SUMF1: variants seen among roughly 807,000 people sequenced by gnomAD.
SUMF1 encodes the protein sulfatase modifying factor 1, also known as formylglycine-generating enzyme.
In SUMF1, 48 loss-of-function variants were observed where a neutral mutation model predicts 47.6. The observed-to-expected ratio is 1.01, with a 90% confidence interval of 0.80 to 1.28. SUMF1 has a LOEUF of 1.28. Ranked by LOEUF, SUMF1 falls within the 50% of genes most tolerant of loss-of-function variation. The pLI is 0.00. For missense variants in SUMF1, 571 were observed against 485.4 expected (o/e 1.18, Z -1.66); for synonymous variants, 230 against 192.1 (o/e 1.20, Z -1.63).
At chr3:4,279,244 A>G (rs1697481555) in intron 8 of SUMF1, among the ~76,000 whole-genome samples, 1 of 152,176 alleles carries the variant, frequency 6.6e-6, no homozygotes, top group South Asian at 2.1e-4. Flanking sequence ...AAAATAGTTC[A>G]TTAAAAGTCA....
chr3:4,264,364 C>T (rs958641607), intron 8 of SUMF1, among the ~76,000 whole-genome samples: 3 of 152,174 alleles, frequency 2.0e-5, no homozygotes, highest in Admixed American at 6.5e-5. Context: ...CACAAGCCAT[C>T]GCGTTCATAT....
At chr3:4,240,423 G>A (rs1044899662) in intron 8 of SUMF1, among the ~76,000 whole-genome samples, 1 of 151,970 alleles carries the variant, frequency 6.6e-6, no homozygotes, top group Non-Finnish European at 1.5e-5. Context: ...CTATATTTTA[G>A]TTAAAGTTTG....
intron 8 of SUMF1, among the ~76,000 whole-genome samples, chr3:4,249,263 ACAGACAGTCTTAT>A (rs1258764607): frequency 6.6e-6 from 1 of 152,174 alleles, no homozygotes; most frequent in Admixed American, 6.5e-5. Context: ...AATATAATAT[ACAGACAGTCTTAT>A]TTTATTCTGC....
chr3:4,158,410 G>A (rs1034911242), intron 8 of SUMF1, among the ~76,000 whole-genome samples: 1 of 151,202 alleles, frequency 6.6e-6, no homozygotes, highest in Non-Finnish European at 1.5e-5. Flanking sequence ...CTGAGGAGAA[G>A]AATGTATATT....
intron 8 of SUMF1, among the ~76,000 whole-genome samples, chr3:4,287,946 C>T (rs913589578): frequency 7.2e-5 from 11 of 152,164 alleles, no homozygotes; most frequent in African/African-American, 2.7e-4. Flanking sequence ...ATAATTAATG[C>T]TACTGCTCTG....
At chr3:4,460,998 G>A (rs1575256407) in intron 1 of SUMF1, among the ~76,000 whole-genome samples, 1 of 151,988 alleles carries the variant, frequency 6.6e-6, no homozygotes, top group African/African-American at 2.4e-5. Context: ...TAGAACCTAG[G>A]CTCTTTGAGG....
intron 7 of SUMF1, among the ~76,000 whole-genome samples, chr3:4,380,957 T>C (rs1422772094): frequency 6.6e-6 from 1 of 152,162 alleles, no homozygotes; most frequent in Non-Finnish European, 1.5e-5. Context: ...GAACCACGTA[T>C]CAGTGAGACT....
intron 8 of SUMF1, among the ~76,000 whole-genome samples, chr3:4,227,251 T>C (rs1239952725): frequency 6.6e-6 from 1 of 152,112 alleles, no homozygotes. Context: ...CCACACATGA[T>C]TACCAAGCTC....
At chr3:4,286,409 T>C (rs1016548051) in intron 8 of SUMF1, among the ~76,000 whole-genome samples, 13 of 152,004 alleles carry the variant, frequency 8.6e-5, no homozygotes, top group Admixed American at 8.5e-4. Context: ...GCAGTAAAAG[T>C]CTAGAAAGTC....
chr3:4,255,609 A>G (rs1696932437), intron 8 of SUMF1, among the ~76,000 whole-genome samples: 1 of 115,342 alleles, frequency 8.7e-6, no homozygotes, highest in South Asian at 3.0e-4. Flanking sequence ...ACCCAGATTC[A>G]TAAAGCAAGT....
chr3:4,227,536 A>G (rs1016708224), intron 8 of SUMF1, among the ~76,000 whole-genome samples: 1 of 152,050 alleles, frequency 6.6e-6, no homozygotes, highest in African/African-American at 2.4e-5. Context: ...TCCCTCACAC[A>G]GATAGACATG....
At chr3:4,244,040 G>T (rs1242808168) in intron 8 of SUMF1, among the ~76,000 whole-genome samples, 1 of 152,066 alleles carries the variant, frequency 6.6e-6, no homozygotes, top group South Asian at 2.1e-4. Context: ...TTTGATCTTT[G>T]TTGTTTTAAA....
intron 9 of SUMF1, among the ~76,000 whole-genome samples, chr3:4,062,610 A>G (rs771336112): frequency 1.3e-5 from 2 of 152,130 alleles, no homozygotes; most frequent in Non-Finnish European, 2.9e-5. Context: ...TCAGCAAGAG[A>G]GGAATGAGCG....
intron 3 of SUMF1, among the ~76,000 whole-genome samples, chr3:4,430,516 A>G (rs1004957489): frequency 2.0e-5 from 3 of 152,122 alleles, no homozygotes; most frequent in African/African-American, 7.2e-5. Context: ...ATACCATAAC[A>G]AGCACTCAAC....
At chr3:4,268,867 T>C (rs1697250515) in intron 8 of SUMF1, among the ~76,000 whole-genome samples, 1 of 152,038 alleles carries the variant, frequency 6.6e-6, no homozygotes, top group African/African-American at 2.4e-5. Context: ...AAAAAGACAT[T>C]TAGAGTGAAT....
chr3:4,247,875 G>A (rs973550652), intron 8 of SUMF1, among the ~76,000 whole-genome samples: 3 of 152,148 alleles, frequency 2.0e-5, no homozygotes, highest in Non-Finnish European at 4.4e-5. Context: ...GTCTAAAATT[G>A]AAAACTCACA....
chr3:4,426,515 T>A (rs769474126), intron 3 of SUMF1, among the ~76,000 whole-genome samples: 2 of 152,244 alleles, frequency 1.3e-5, no homozygotes, highest in Non-Finnish European at 2.9e-5. Context: ...GTTCTTGAAC[T>A]CCTGATTCTG....
At chr3:4,303,597 G>A (rs1698044120) in intron 8 of SUMF1, 1 of 1,373,842 alleles carries the variant, frequency 7.3e-7, no homozygotes, top group South Asian at 1.7e-5. Context: ...AAGCCGCCTC[G>A]CTGGGACGGC....
chr3:4,058,063 A>G (rs1375441595), intron 9 of SUMF1, among the ~76,000 whole-genome samples: 3 of 152,128 alleles, frequency 2.0e-5, no homozygotes, highest in East Asian at 3.8e-4. Flanking sequence ...AACTTATTAA[A>G]TCATCCCAGT....
Sources: gnomAD v4.1 joint callset for allele counts (sites outside exome capture counted in the v4.1 genomes callset) on GRCh38, gnomAD v4.1.1 for gene constraint, MANE v1.5 for transcripts, NCBI Gene and HGNC (gene_info 2026-07-23, HGNC 2026-07-21) for gene names.